Variants in EXO1 observed in about 807,000 individuals in gnomAD.
EXO1 encodes the protein exonuclease 1.
Under a neutral mutation model 84.5 loss-of-function variants are expected in EXO1, and 69 were observed. That is an observed-to-expected ratio of 0.82 (90% CI 0.67 to 1.00). The LOEUF (loss-of-function observed/expected upper bound fraction) is 1.00. Among genes scored for constraint, EXO1 ranks in the 50% least tolerant of loss-of-function variants. EXO1 has a pLI of 0.00. For missense variants in EXO1, 1,045 were observed against 1,000.7 expected (o/e 1.04, Z -0.60); for synonymous variants, 373 against 366.1 (o/e 1.02, Z -0.21).
chr1:241,850,571 G>C lies in EXO1; in HGVS notation c.146G>C (p.Gly49Ala), dbSNP rs1480029453. The C allele has an allele frequency of 1.9e-6, 3 of 1,613,736 alleles. No homozygotes were observed. The Admixed American group carries it at 5.0e-5, about 27-fold the overall frequency. The change falls in exon 4 of 16, where the codon GGT becomes GCT. Residue 49 changes from glycine (G) to alanine (A), a missense_variant. Gly to Ala is a moderately conservative substitution (Grantham distance 60). Transcript: ENST00000366548. ...GCTTGTGCTGAAAAACTAGCCAAAG[G>C]TGAACCTACTGATAGGTAAGTCTGG... ...AIACAEKLAK[G>A]EPTDRYVGFC...
intron 13 of EXO1, among the ~76,000 whole-genome samples, chr1:241,879,969 T>A (rs1662657023): frequency 6.7e-6 from 1 of 148,650 alleles, no homozygotes; most frequent in Non-Finnish European, 1.5e-5. Flanking sequence ...ATTGAGCCAC[T>A]GTACTCCAGC....
intron 10 of EXO1, among the ~76,000 whole-genome samples, chr1:241,864,930 C>T (rs1661621795): frequency 6.7e-6 from 1 of 149,718 alleles, no homozygotes; most frequent in South Asian, 2.1e-4. Flanking sequence ...GTCCTCCAGG[C>T]TGGAGTGCAG....
Position 241,879,286 on chromosome 1 carries a change from G to T in EXO1, c.2052G>T (p.Leu684=). ...CCCAGGAAAGTGGAGAATTCTCACT[G>T]CAGAGTTCAAATGCATCAAAGCTTT... ...SQSQESGEFS[L]QSSNASKLSQ... Residue 684 remains leucine (L), a synonymous_variant, in exon 13 of 16, where the codon CTG becomes CTT. Transcript: ENST00000366548. 6.2e-7 allele frequency: 1 copy of T among 1,605,066 alleles called. No individual in the cohort carries two copies. Among genetic ancestry groups the T allele is most frequent in the South Asian group, 1.1e-5 (1 of 88,718 alleles).
Position 241,852,289 on chromosome 1 carries a change from T to A in EXO1, c.162-3T>A. On this transcript the variant is annotated splice_region_variant and splice_polypyrimidine_tract_variant and intron_variant, in intron 4 of 15. Coordinates refer to ENST00000366548, the MANE Select transcript of EXO1 (RefSeq NM_130398.4). Reference sequence around the variant, plus strand: ...CACTGAATGTTTTTCTTTTTTTCCATAGGTATGTAGGATTTTGTATGAAAT... The same window carrying A: ...CACTGAATGTTTTTCTTTTTTTCCAAAGGTATGTAGGATTTTGTATGAAAT... 1 of 1,601,156 alleles carries A rather than the reference T, an allele frequency of 6.2e-7. No homozygotes were observed. Among genetic ancestry groups the A allele is most frequent in the Non-Finnish European group, 8.5e-7 (1 of 1,169,986 alleles).
chr1:241,855,359 T>G (rs1037171195), intron 6 of EXO1, among the ~76,000 whole-genome samples: 2 of 152,138 alleles, frequency 1.3e-5, no homozygotes, highest in Non-Finnish European at 2.9e-5. Context: ...AGAGTGTCTA[T>G]TGGTGCATTC....
At chr1:241,855,253 A>G (rs1037687703) in intron 6 of EXO1, among the ~76,000 whole-genome samples, 6 of 151,424 alleles carry the variant, frequency 4.0e-5, no homozygotes, top group African/African-American at 1.5e-4. Context: ...ACAATCCCTG[A>G]GCTGGACACA....
intron 13 of EXO1, among the ~76,000 whole-genome samples, chr1:241,880,451 CTG>C (rs1662690016): frequency 6.6e-6 from 1 of 152,236 alleles, no homozygotes; most frequent in Non-Finnish European, 1.5e-5. Flanking sequence ...TCAGTTCACA[CTG>C]TAGGCTGGTA....
intron 10 of EXO1, among the ~76,000 whole-genome samples, chr1:241,862,158 G>T (rs1284486655): frequency 1.3e-5 from 2 of 152,124 alleles, no homozygotes; most frequent in African/African-American, 4.8e-5. Context: ...GGCTGGTCTG[G>T]AACTCCCAAC....
At chr1:241,877,054 A>G (rs1384594291) in intron 12 of EXO1, among the ~76,000 whole-genome samples, 2 of 152,240 alleles carry the variant, frequency 1.3e-5, no homozygotes, top group African/African-American at 4.8e-5. Flanking sequence ...TCTCCTTTTA[A>G]TTGAATGCAA....
At chr1:241,859,221 T>C (rs1351736056) in intron 8 of EXO1, among the ~76,000 whole-genome samples, 1 of 151,496 alleles carries the variant, frequency 6.6e-6, no homozygotes, top group Non-Finnish European at 1.5e-5. Context: ...AATAGCATGC[T>C]TTTATGAAAA....
rs770906927 is a variant in EXO1 at position 241,879,336 on chromosome 1, A to G, written c.2102A>G (p.Asp701Gly). 2.5e-6 allele frequency: 4 copies of G among 1,581,232 alleles called. No individual in the cohort carries two copies. The African/African-American group carries it at 4.0e-5, about 16-fold the overall frequency. Reference protein sequence around the residue: ...KLSQCSSKDSDSEESDCNIKL... With the variant: ...KLSQCSSKDSGSEESDCNIKL... ...TCTCAGTGCTCTAGTAAGGACTCTG[A>G]TTCAGAGGTAAGTCAAATCCTGAAG... The change falls in exon 13 of 16, where the codon GAT (aspartate) becomes GGT (glycine). Residue 701 changes from aspartate (D) to glycine (G), a missense_variant. Coordinates refer to ENST00000366548, the MANE Select transcript of EXO1 (RefSeq NM_130398.4).
intron 6 of EXO1, among the ~76,000 whole-genome samples, chr1:241,856,956 C>T (rs1661082774): frequency 6.6e-6 from 1 of 152,110 alleles, no homozygotes; most frequent in South Asian, 2.1e-4. Context: ...TCACCTGAGC[C>T]CAGAGCCCAG....
chr1:241,865,067 A>C (rs1661631755), intron 10 of EXO1, among the ~76,000 whole-genome samples: 1 of 150,100 alleles, frequency 6.7e-6, no homozygotes, highest in African/African-American at 2.5e-5. Context: ...GGGGGGTCTC[A>C]CTATGTTGCC....
At chr1:241,866,468 T>C (rs1661734706) in intron 10 of EXO1, among the ~76,000 whole-genome samples, 1 of 152,200 alleles carries the variant, frequency 6.6e-6, no homozygotes, top group East Asian at 1.9e-4. Context: ...GTTGTGGTCT[T>C]ATTTCTTGCA....
At chr1:241,876,008 G>A (rs1035253192) in intron 12 of EXO1, among the ~76,000 whole-genome samples, 11 of 152,224 alleles carry the variant, frequency 7.2e-5, no homozygotes, top group African/African-American at 2.7e-4. Context: ...GCTGCTTCAT[G>A]TTGAGCTCTT....
At chr1:241,861,695 T>A (rs910365869) in intron 10 of EXO1, among the ~76,000 whole-genome samples, 193 bp downstream of exon 10, 3 of 152,192 alleles carry the variant, frequency 2.0e-5, no homozygotes, top group Admixed American at 6.5e-5. Flanking sequence ...GTTAATTTTT[T>A]AAAATTAAGA....
At chr1:241,873,589 G>A (rs898731798) in intron 12 of EXO1, among the ~76,000 whole-genome samples, 2 of 152,024 alleles carry the variant, frequency 1.3e-5, no homozygotes, top group Non-Finnish European at 2.9e-5. Context: ...CTGTGGAGCT[G>A]TAATATTAAT....
intron 8 of EXO1, among the ~76,000 whole-genome samples, chr1:241,859,232 A>G (rs1263950999): frequency 2.0e-5 from 3 of 147,624 alleles, no homozygotes; most frequent in South Asian, 2.2e-4. Context: ...TTTATGAAAA[A>G]TAATCATTTT....
intron 15 of EXO1, among the ~76,000 whole-genome samples, chr1:241,885,859 TTTTTTG>T (rs200467101): frequency 0.77 from 96,866 of 125,200 alleles, 34,959 homozygotes; most frequent in Non-Finnish European, 0.84. Context: ...TTGTTTTTTG[TTTTTTG>T]TTTTTTTGAG....
Sources: allele counts gnomAD v4.1 joint callset (sites outside exome capture counted in the v4.1 genomes callset), GRCh38; gene constraint gnomAD v4.1.1; transcripts MANE v1.5; gene names NCBI Gene and HGNC (gene_info 2026-07-23, HGNC 2026-07-21).